DTNBP1: variants seen among roughly 807,000 people sequenced by gnomAD.
The protein encoded by DTNBP1 is dysbindin.
In DTNBP1, 35 loss-of-function variants were observed where a neutral mutation model predicts 42.8. The ratio of observed to expected loss-of-function variants is 0.82; its 90% CI spans 0.63 to 1.09. DTNBP1 has a LOEUF of 1.09. Ranked by LOEUF, DTNBP1 falls within the 50% of genes least tolerant of loss-of-function variation. The pLI, the probability that DTNBP1 is intolerant of heterozygous loss-of-function variation, is 0.00. For missense variants in DTNBP1, 457 were observed against 424.2 expected, an observed-to-expected ratio of 1.08 and a Z score of -0.68; for synonymous variants, 171 against 162.2, an observed-to-expected ratio of 1.05 and a Z score of -0.41.
Position 15,662,989 on chromosome 6 carries a change from C to T in DTNBP1, c.-120G>A. 2 of 1,417,060 alleles carry T rather than the reference C, an allele frequency of 1.4e-6. No homozygotes were observed. 87.8% of individuals were successfully genotyped at this position (1,417,060 alleles called of 1,614,324 possible). ...CGCGCCCCGCACTCCCACTACCGGCCCCGCCCCCGGTCTGGTCCTCGCCGC... is the reference window on the plus strand; with the variant it reads ...CGCGCCCCGCACTCCCACTACCGGCTCCGCCCCCGGTCTGGTCCTCGCCGC... On this transcript the variant is annotated 5_prime_UTR_variant, in exon 1 of 10. Transcript: ENST00000344537.
At chr6:15,523,322 G>C in intron 9 of DTNBP1, 103 bp from the exon 10 acceptor site, 1 of 1,514,132 alleles carries the variant, frequency 6.6e-7, no homozygotes, top group East Asian at 2.3e-5. Context: ...AGGGGGGTGT[G>C]GTTTTTGTTC....
At chr6:15,607,369 T>C (rs1758132935) in intron 6 of DTNBP1, among the ~76,000 whole-genome samples, 1 of 152,194 alleles carries the variant, frequency 6.6e-6, no homozygotes, top group African/African-American at 2.4e-5. Context: ...TGGCACGATC[T>C]TGGCTCACTG....
intron 6 of DTNBP1, among the ~76,000 whole-genome samples, chr6:15,596,955 T>C (rs978201221): frequency 6.6e-6 from 1 of 152,214 alleles, no homozygotes; most frequent in Non-Finnish European, 1.5e-5. Context: ...TCTCAAAAGA[T>C]AGCCTGAATT....
chr6:15,660,633 T>A, intron 1 of DTNBP1: 1 of 1,013,570 alleles, frequency 9.9e-7, no homozygotes, highest in Non-Finnish European at 1.3e-6. Context: ...TTCCAAGGGG[T>A]TCTAACTAGA....
At chr6:15,654,869 A>G (rs569938727) in intron 1 of DTNBP1, among the ~76,000 whole-genome samples, 15 of 152,390 alleles carry the variant, frequency 9.8e-5, no homozygotes, top group African/African-American at 3.6e-4. Context: ...TATGGACTGC[A>G]TAATTGATAA....
intron 7 of DTNBP1, among the ~76,000 whole-genome samples, chr6:15,580,934 A>C (rs1775800326): frequency 6.6e-6 from 1 of 152,230 alleles, no homozygotes; most frequent in Non-Finnish European, 1.5e-5. Flanking sequence ...GGTCTAGACA[A>C]GAATGACCAG....
At chr6:15,615,217 G>A (rs752765807) in intron 6 of DTNBP1, 50 bp downstream of exon 6, 1 of 1,613,100 alleles carries the variant, frequency 6.2e-7, no homozygotes, top group Non-Finnish European at 8.5e-7. Flanking sequence ...AAAGTAATAT[G>A]GAAAACTTCG....
chr6:15,570,245 C>T (rs538911168), intron 7 of DTNBP1, among the ~76,000 whole-genome samples: 1 of 152,160 alleles, frequency 6.6e-6, no homozygotes, highest in South Asian at 2.1e-4. Flanking sequence ...GACTGAGAGA[C>T]TCATTTCTGT....
intron 7 of DTNBP1, among the ~76,000 whole-genome samples, chr6:15,560,526 T>C (rs1364162027): frequency 6.6e-6 from 1 of 152,244 alleles, no homozygotes; most frequent in Non-Finnish European, 1.5e-5. Context: ...CTGTTTTCTT[T>C]TGTAACAGGG....
intron 8 of DTNBP1, among the ~76,000 whole-genome samples, chr6:15,526,702 C>T (rs897423990): frequency 5.3e-5 from 8 of 152,264 alleles, no homozygotes; most frequent in South Asian, 2.1e-4. Flanking sequence ...TTTGGGGGCA[C>T]GCTTCTGAGG....
intron 7 of DTNBP1, 150 bp downstream of exon 7, chr6:15,592,909 G>T: frequency 1.3e-6 from 1 of 798,168 alleles, no homozygotes; most frequent in Non-Finnish European, 2.0e-6. Context: ...AACCACCTGT[G>T]ATTAAGCAAA....
intron 3 of DTNBP1, among the ~76,000 whole-genome samples, chr6:15,650,037 G>C (rs1187119234): frequency 6.6e-6 from 1 of 152,136 alleles, no homozygotes; most frequent in East Asian, 1.9e-4. Context: ...ATCATATTAA[G>C]CACTTTTCAC....
At chr6:15,549,730 G>A (rs1017935794) in intron 7 of DTNBP1, among the ~76,000 whole-genome samples, 1 of 152,010 alleles carries the variant, frequency 6.6e-6, no homozygotes, top group Non-Finnish European at 1.5e-5. Flanking sequence ...GCTAGCTGTC[G>A]ACCAAACCGA....
At chr6:15,565,515 C>T (rs905324202) in intron 7 of DTNBP1, among the ~76,000 whole-genome samples, 4 of 152,158 alleles carry the variant, frequency 2.6e-5, no homozygotes, top group Admixed American at 6.5e-5. Context: ...CAATGAAGTA[C>T]TGATATAGTC....
At chr6:15,584,300 A>G (rs991085653) in intron 7 of DTNBP1, among the ~76,000 whole-genome samples, 8 of 152,158 alleles carry the variant, frequency 5.3e-5, no homozygotes, top group African/African-American at 1.7e-4. Context: ...TTATACCTAT[A>G]TGCAGATCTT....
intron 8 of DTNBP1, among the ~76,000 whole-genome samples, chr6:15,530,316 A>G (rs1299179122): frequency 6.6e-6 from 1 of 152,172 alleles, no homozygotes; most frequent in Non-Finnish European, 1.5e-5. Context: ...GCTGTCTCTC[A>G]GCTCTAGCTC....
At chr6:15,578,203 G>A (rs539078452) in intron 7 of DTNBP1, among the ~76,000 whole-genome samples, 6 of 152,334 alleles carry the variant, frequency 3.9e-5, no homozygotes, top group African/African-American at 1.2e-4. Flanking sequence ...GTAAGCCGAC[G>A]CTGGGAGGAG....
intron 7 of DTNBP1, among the ~76,000 whole-genome samples, chr6:15,562,735 A>T (rs1352498552): frequency 2.0e-4 from 31 of 152,220 alleles, no homozygotes; most frequent in Admixed American, 2.0e-3. Flanking sequence ...TAAATTATGC[A>T]GGCCATAATC....
chr6:15,656,439 C>T (rs185869262), intron 1 of DTNBP1, among the ~76,000 whole-genome samples: 2 of 152,256 alleles, frequency 1.3e-5, no homozygotes, highest in East Asian at 1.9e-4. Flanking sequence ...TAATTTGACA[C>T]CAGCATATTT....
Sources: allele counts gnomAD v4.1 joint callset (sites outside exome capture counted in the v4.1 genomes callset), GRCh38; gene constraint gnomAD v4.1.1; transcripts MANE v1.5; gene names NCBI Gene and HGNC (gene_info 2026-07-23, HGNC 2026-07-21).